SLC7A14: variants seen among roughly 807,000 people sequenced by gnomAD.
SLC7A14 encodes the protein gamma-aminobutyric acid transporter SLC7A14.
In SLC7A14, 37 loss-of-function variants were observed where a neutral mutation model predicts 60.2. The observed-to-expected ratio is 0.61, with a 90% CI of 0.47 to 0.81. The LOEUF is 0.81. SLC7A14 is among the 30% of genes least tolerant of loss of function. The pLI is 0.00. For synonymous variants in SLC7A14, 399 were observed against 395.8 expected, an observed-to-expected ratio of 1.01 and a Z score of -0.10; for missense variants, 886 against 982.7, an observed-to-expected ratio of 0.90 and a Z score of 1.32.
chr3:170,541,384 G>A (rs1195347811), intron 1 of SLC7A14, among the ~76,000 whole-genome samples: 1 of 152,144 alleles, frequency 6.6e-6, no homozygotes, highest in Non-Finnish European at 1.5e-5. Flanking sequence ...GATCACTTGA[G>A]GCCAGGAGTT....
At chr3:170,498,931 G>A (rs1560259265) in intron 3 of SLC7A14, 47 bp from the exon 4 acceptor site, 1 of 1,586,540 alleles carries the variant, frequency 6.3e-7, no homozygotes, top group East Asian at 2.2e-5. Flanking sequence ...GGAAGAAAGG[G>A]CCATGCAAAC....
intron 6 of SLC7A14, among the ~76,000 whole-genome samples, chr3:170,482,317 C>T (rs779288102): frequency 5.3e-5 from 8 of 152,346 alleles, no homozygotes; most frequent in South Asian, 4.1e-4. Flanking sequence ...GAAGTTCCCA[C>T]GCCTCCATCA....
intron 2 of SLC7A14, among the ~76,000 whole-genome samples, chr3:170,520,323 T>C (rs1042056553): frequency 2.0e-5 from 3 of 152,232 alleles, no homozygotes; most frequent in Non-Finnish European, 4.4e-5. Flanking sequence ...AGAACTCTTT[T>C]GGTACAAAGT....
chr3:170,540,677 C>G (rs1713994962), intron 1 of SLC7A14, among the ~76,000 whole-genome samples: 1 of 152,138 alleles, frequency 6.6e-6, no homozygotes, highest in African/African-American at 2.4e-5. Context: ...TTCCTATCAT[C>G]ATGTCTTTCC....
intron 7 of SLC7A14, among the ~76,000 whole-genome samples, chr3:170,469,092 G>A (rs1208297303): frequency 6.6e-6 from 1 of 152,176 alleles, no homozygotes; most frequent in African/African-American, 2.4e-5. Context: ...CCTAGGCACT[G>A]GGGTCCATAC....
At chr3:170,511,555 T>C (rs1308004945) in intron 2 of SLC7A14, among the ~76,000 whole-genome samples, 1 of 152,164 alleles carries the variant, frequency 6.6e-6, no homozygotes, top group African/African-American at 2.4e-5. Flanking sequence ...GTGTTACAGT[T>C]CCTGACATAT....
rs548947326 is a variant in SLC7A14, at chr3:170,501,507, C to T, written c.305-162G>A. On this transcript the variant is annotated intron_variant, in intron 2 of 7. Transcript: ENST00000231706. ...GATTCAGAGCCAACTCTTACCTCTT[C>T]CAACCTCACTTCTGAAAAATGCAAA... Among the ~76,000 whole-genome samples the T allele has an allele frequency of 2.0e-5, 3 of 152,328 alleles. No individual in the cohort carries two copies. The South Asian group carries it at 6.2e-4, about 32-fold the overall frequency.
chr3:170,529,383 A>G (rs1286694230), intron 1 of SLC7A14, among the ~76,000 whole-genome samples: 7 of 152,256 alleles, frequency 4.6e-5, no homozygotes, highest in Admixed American at 4.6e-4. Context: ...CATTTTTAAT[A>G]ACTGAGTAGT....
chr3:170,488,338 A>G (rs1218470529), intron 4 of SLC7A14, among the ~76,000 whole-genome samples: 1 of 152,242 alleles, frequency 6.6e-6, no homozygotes, highest in East Asian at 1.9e-4. Context: ...CTTTCCCTAC[A>G]GCAAAGTTTT....
chr3:170,510,075 CAAAA>C lies in SLC7A14; in HGVS notation c.305-8734_305-8731del, dbSNP rs34579714. ...CCTGGACAAGAGCAAAACTCTGTCT[CAAAA>C]AAAAAAAAAAAAAAAAATGTAACCA... On this transcript the variant is annotated intron_variant, in intron 2 of 7. Transcript: ENST00000231706. Among the ~76,000 whole-genome samples, 30 of 78,550 alleles carry C rather than the reference CAAAA, an allele frequency of 3.8e-4. No individual in the cohort carries two copies. The South Asian group carries it at 9.5e-3, about 25-fold the overall frequency. 51.5% of individuals were successfully genotyped at this position (78,550 alleles called of 152,430 possible).
intron 2 of SLC7A14, among the ~76,000 whole-genome samples, chr3:170,512,315 T>C (rs1713003812): frequency 1.3e-5 from 2 of 152,014 alleles, no homozygotes; most frequent in Non-Finnish European, 2.9e-5. Flanking sequence ...TCTCAGAAGA[T>C]GACTAGGGAG....
intron 1 of SLC7A14, among the ~76,000 whole-genome samples, chr3:170,583,406 T>A (rs1715289868): frequency 6.6e-6 from 1 of 152,202 alleles, no homozygotes; most frequent in African/African-American, 2.4e-5. Context: ...GTGTTTGTAT[T>A]TTTGGCATGT....
chr3:170,585,560 C>A lies in SLC7A14; in HGVS notation c.-153+351G>T, dbSNP rs1252657061. Among the ~76,000 whole-genome samples, 1 of 152,166 alleles carries A rather than the reference C, an allele frequency of 6.6e-6. No homozygotes were observed. The highest frequency in any genetic ancestry group is 2.4e-5 in the African/African-American group (1 of 41,460). On this transcript the variant is annotated intron_variant, in intron 1 of 7. Coordinates refer to ENST00000231706, the MANE Select transcript of SLC7A14 (RefSeq NM_020949.3). The surrounding 1 kb of genome is among the most constrained non-coding windows in gnomAD (Gnocchi z 5.1). ...CGAGACCTAGGCTGCCCGCATTCCG[C>A]TCGCGGCTCCCCTTCTGCCTCCCGC...
chr3:170,498,596 T>C (rs1712485257), intron 4 of SLC7A14, 71 bp downstream of exon 4: 1 of 1,376,420 alleles, frequency 7.3e-7, no homozygotes, highest in Non-Finnish European at 1.0e-6. Context: ...CTTGAAAATA[T>C]GTCTTAGGTT....
intron 1 of SLC7A14, among the ~76,000 whole-genome samples, chr3:170,546,641 C>T (rs1714187450): frequency 6.6e-6 from 1 of 152,166 alleles, no homozygotes; most frequent in African/African-American, 2.4e-5. Context: ...ATCAGATCTC[C>T]AAGCTGCCTC....
At chr3:170,468,141 T>C (rs1739774455) in intron 7 of SLC7A14, among the ~76,000 whole-genome samples, 1 of 152,152 alleles carries the variant, frequency 6.6e-6, no homozygotes, top group East Asian at 1.9e-4. Flanking sequence ...CTGATAAGCG[T>C]GAAATGTCCA....
At chr3:170,475,420 A>G (rs1226566070) in intron 7 of SLC7A14, among the ~76,000 whole-genome samples, 1 of 152,262 alleles carries the variant, frequency 6.6e-6, no homozygotes, top group Non-Finnish European at 1.5e-5. Context: ...GTATAGACAG[A>G]TTAAGAAAAA....
intron 1 of SLC7A14, among the ~76,000 whole-genome samples, chr3:170,567,860 T>G (rs1302906542): frequency 5.3e-5 from 8 of 151,830 alleles, no homozygotes; most frequent in African/African-American, 1.2e-4. Context: ...GGGGTTGTTT[T>G]TTTTTTCTTG....
In SLC7A14 at chr3:170,467,298, G is replaced by T; in HGVS notation, c.2073C>A (p.Ser691Arg). ...ISAREEALHQ[S>R]TYQRYDVDDP... is the part of the protein sequence containing the mutation. ...CATCCACGTCGTAGCGTTGGTACGTGCTTTGGTGCAGGGCCTCTTCTCGAG... is the reference window on the plus strand; with the variant it reads ...CATCCACGTCGTAGCGTTGGTACGTTCTTTGGTGCAGGGCCTCTTCTCGAG... The change falls in exon 8 of 8, where the codon AGC becomes AGA. Residue 691 changes from serine to arginine, a missense_variant. Physicochemically the swap from Ser to Arg is moderately radical, Grantham distance 110. Coordinates refer to ENST00000231706, the MANE Select transcript of SLC7A14 (RefSeq NM_020949.3). 1.2e-6 allele frequency: 2 copies of T among 1,614,208 alleles called. No individual in the cohort carries two copies. The highest frequency in any genetic ancestry group is 1.7e-6 in the Non-Finnish European group (2 of 1,180,028).
Sources: allele counts gnomAD v4.1 joint callset (sites outside exome capture counted in the v4.1 genomes callset), GRCh38; gene constraint gnomAD v4.1.1; non-coding constraint Gnocchi (gnomAD v3.1); transcripts MANE v1.5; gene names NCBI Gene and HGNC (gene_info 2026-07-23, HGNC 2026-07-21).